The following APLP2 variants were observed in gnomAD, a reference collection of about 807,000 sequenced individuals.
The protein encoded by APLP2 is CDEI box-binding protein.
APLP2 carries 53 observed loss-of-function variants against 89.9 expected under a neutral mutation model. The observed-to-expected ratio is 0.59, with a 90% confidence interval of 0.47 to 0.74. The LOEUF is 0.74. APLP2 is among the 30% of genes least tolerant of loss of function. APLP2 has a pLI of 0.00. For synonymous variants in APLP2, 372 were observed against 348.6 expected (o/e 1.07, Z -0.75); for missense variants, 973 against 975.9 (o/e 1.00, Z 0.04).
chr11:130,085,437 G>A (rs1403650976), intron 1 of APLP2, among the ~76,000 whole-genome samples: 2 of 149,280 alleles, frequency 1.3e-5, no homozygotes, highest in African/African-American at 5.1e-5. Context: ...GGGCAACAGA[G>A]CGAGACTCCA....
chr11:130,074,551 A>G (rs1176721380), intron 1 of APLP2, among the ~76,000 whole-genome samples: 2 of 152,168 alleles, frequency 1.3e-5, no homozygotes, highest in East Asian at 1.9e-4. Flanking sequence ...CCCTTACTAA[A>G]TTTTGAGGCT....
intron 1 of APLP2, among the ~76,000 whole-genome samples, chr11:130,080,772 C>T (rs1943006597): frequency 6.7e-6 from 1 of 149,454 alleles, no homozygotes; most frequent in Non-Finnish European, 1.5e-5. Flanking sequence ...TCTCGGCTCA[C>T]TGCAAGCTCC....
chr11:130,124,178 T>C (rs1229371102), intron 7 of APLP2, among the ~76,000 whole-genome samples: 1 of 152,184 alleles, frequency 6.6e-6, no homozygotes, highest in Non-Finnish European at 1.5e-5. Flanking sequence ...TTCCTGTCTT[T>C]GAACTGCCCT....
chr11:130,115,977 A>G (rs1258354688), intron 3 of APLP2, among the ~76,000 whole-genome samples: 1 of 152,242 alleles, frequency 6.6e-6, no homozygotes, highest in African/African-American at 2.4e-5. Context: ...ATTTTGGGGT[A>G]TAGATGAACA....
intron 1 of APLP2, among the ~76,000 whole-genome samples, chr11:130,076,134 G>C (rs958133956): frequency 6.6e-6 from 1 of 152,158 alleles, no homozygotes; most frequent in Non-Finnish European, 1.5e-5. Context: ...GAGTGCAGTG[G>C]TGCCATCTTG....
In APLP2 at chr11:130,110,654, G is replaced by A. The variant is rs774396553; in HGVS notation, c.396G>A (p.Lys132=). The A allele has an allele frequency of 5.0e-6, 8 of 1,611,682 alleles. No individual in the cohort carries two copies. In the East Asian group the frequency reaches 1.8e-4, roughly 36 times the overall value. The part of the protein sequence containing the change: ...QCKSRFVTPF[K]CLVGEFVSDV... ...AGAGTCGCTTTGTTACACCTTTCAA[G>A]TGTCTCGGTGAGTGTTCTTGGTTAC... Residue 132 remains lysine (K), a synonymous_variant, in exon 3 of 17, where the codon AAG becomes AAA. Transcript: ENST00000338167.
At chr11:130,108,270 G>A (rs1461551659) in intron 1 of APLP2, among the ~76,000 whole-genome samples, 2 of 152,194 alleles carry the variant, frequency 1.3e-5, no homozygotes, top group African/African-American at 4.8e-5. Context: ...CCATCAGAGT[G>A]AACAGGCAAC....
At chr11:130,106,926 A>G (rs1947863664) in intron 1 of APLP2, among the ~76,000 whole-genome samples, 1 of 152,080 alleles carries the variant, frequency 6.6e-6, no homozygotes, top group African/African-American at 2.4e-5. Context: ...CGACCTCGTG[A>G]TCTGCCTGCC....
chr11:130,087,219 C>T (rs1944245163), intron 1 of APLP2, among the ~76,000 whole-genome samples: 1 of 152,194 alleles, frequency 6.6e-6, no homozygotes, highest in African/African-American at 2.4e-5. Context: ...TCAGCGTCCT[C>T]ACTGTGATAC....
In APLP2 at chr11:130,143,386, A is replaced by G. The variant is rs764948261; in HGVS notation, c.2194A>G (p.Lys732Glu). 8 of 1,614,150 alleles carry G rather than the reference A, an allele frequency of 5.0e-6. No individual in the cohort carries two copies. The highest frequency in any genetic ancestry group is 1.7e-5 in the Admixed American group (1 of 60,030). The change falls in exon 17 of 17, where the codon AAG becomes GAG. Residue 732 changes from lysine (K) to glutamate (E), a missense_variant. By Grantham distance (56) the Lys-to-Glu change is moderately conservative (BLOSUM62 1). Coordinates refer to ENST00000338167, the MANE Select transcript of APLP2 (RefSeq NM_001142276.2). ...CACCCCAGAAGAGCGTCACCTGAAC[A>G]AGATGCAGAACCATGGCTATGAGAA... ...MLTPEERHLN[K>E]MQNHGYENPT...
Position 130,141,796 on chromosome 11 carries a change from T to A in APLP2, c.1999-123T>A. 1 of 1,206,102 alleles carries A rather than the reference T, an allele frequency of 8.3e-7. No individual in the cohort carries two copies. Among genetic ancestry groups the A allele is most frequent in the South Asian group, 1.5e-5 (1 of 66,684 alleles). 74.7% of individuals were successfully genotyped at this position (1,206,102 alleles called of 1,614,324 possible). A position where few individuals can be genotyped will look rare whatever the true frequency, so the allele number is the denominator to read the frequency against. ...GTGGGTGGTTCCCTGCAAAGCAGGA[T>A]CTTGGTGCTACTTTGGGTTTTAGGG... On this transcript the variant is annotated intron_variant, in intron 15 of 16. Coordinates refer to ENST00000338167, the MANE Select transcript of APLP2 (RefSeq NM_001142276.2). The surrounding 1 kb of genome is among the most constrained non-coding windows in gnomAD (Gnocchi z 4.2).
intron 1 of APLP2, among the ~76,000 whole-genome samples, chr11:130,099,949 C>T (rs1379326755): frequency 1.3e-5 from 2 of 152,154 alleles, no homozygotes; most frequent in Non-Finnish European, 2.9e-5. Context: ...TCACAACAGG[C>T]CTGAGCCGTC....
chr11:130,076,325 T>C (rs11826319), intron 1 of APLP2, among the ~76,000 whole-genome samples: 17,059 of 152,260 alleles, frequency 0.11, 1,237 homozygotes, highest in East Asian at 0.25. Flanking sequence ...TCCAGCCGCC[T>C]CAGCCTCCCA....
At chr11:130,140,117 A>C (rs1952169578) in intron 13 of APLP2, among the ~76,000 whole-genome samples, 1 of 152,184 alleles carries the variant, frequency 6.6e-6, no homozygotes. Flanking sequence ...TCTTACAATA[A>C]ACATTTTCTC....
intron 1 of APLP2, among the ~76,000 whole-genome samples, chr11:130,090,314 G>C (rs1026851759): frequency 1.4e-5 from 2 of 144,086 alleles, no homozygotes; most frequent in Non-Finnish European, 3.0e-5. Flanking sequence ...CTCACAGAGG[G>C]GGATTTGGCA....
chr11:130,126,664 A>G (rs370576622), intron 7 of APLP2, 36 bp from the exon 8 acceptor site: 13 of 1,611,504 alleles, frequency 8.1e-6, no homozygotes, highest in Non-Finnish European at 1.1e-5. Context: ...AGTGCATCTG[A>G]TCCCAAAGAG....
chr11:130,079,083 T>TA (rs1555126257), intron 1 of APLP2, among the ~76,000 whole-genome samples: 1 of 130,682 alleles, frequency 7.7e-6, no homozygotes, highest in Non-Finnish European at 1.6e-5. Context: ...CATGTATTTT[T>TA]TTTATTTATT....
intron 16 of APLP2, 91 bp from the exon 17 acceptor site, chr11:130,143,254 AGG>A: frequency 9.4e-7 from 1 of 1,065,976 alleles, no homozygotes; most frequent in Non-Finnish European, 1.4e-6. Flanking sequence ...TTTGGTCCTC[AGG>A]GGATTGTGCA....
intron 3 of APLP2, among the ~76,000 whole-genome samples, chr11:130,113,677 G>A (rs1159100208): frequency 6.6e-6 from 1 of 152,076 alleles, no homozygotes; most frequent in African/African-American, 2.4e-5. Context: ...CGAGCACCCA[G>A]GCAGAACTGA....
Sources: allele counts gnomAD v4.1 joint callset (sites outside exome capture counted in the v4.1 genomes callset), GRCh38; gene constraint gnomAD v4.1.1; non-coding constraint Gnocchi (gnomAD v3.1); transcripts MANE v1.5; gene names NCBI Gene and HGNC (gene_info 2026-07-23, HGNC 2026-07-21).